NHSL1: variants seen among roughly 807,000 people sequenced by gnomAD.
NHSL1 encodes the protein NHS like 1.
A neutral mutation model predicts 95.0 loss-of-function variants in NHSL1; 48 were observed. The observed-to-expected ratio is 0.51, with a 90% CI of 0.40 to 0.64. NHSL1 has a LOEUF of 0.64. Ranked by LOEUF, NHSL1 falls within the 30% of genes least tolerant of loss-of-function variation. NHSL1 has a pLI of 0.00. For synonymous variants in NHSL1, 783 were observed against 833.9 expected (o/e 0.94, Z 1.05); for missense variants, 1,971 against 2,077.7 (o/e 0.95, Z 1.00).
intron 1 of NHSL1, 82 bp downstream of exon 1, chr6:138,499,151 A>T: frequency 1.2e-6 from 1 of 823,668 alleles, no homozygotes. Flanking sequence ...ACACACACAC[A>T]CACACACAGA....
chr6:138,591,278 A>C (rs922234266), intron 1 of NHSL1, among the ~76,000 whole-genome samples: 3 of 152,244 alleles, frequency 2.0e-5, no homozygotes, highest in African/African-American at 7.2e-5. Flanking sequence ...GAAAGTTTTC[A>C]AATATTATTT....
exon 1 of NHSL1, chr6:138,545,669 CT>C (rs755488744): frequency 1.9e-4 from 249 of 1,289,188 alleles, no homozygotes; most frequent in Non-Finnish European, 2.4e-4. Context: ...GGGCTGTGCT[CT>C]GTGGTCTGAT....
Position 138,431,985 on chromosome 6 carries a change from G to C in NHSL1, c.2360C>G (p.Thr787Arg). The C allele has an allele frequency of 6.4e-7, 1 of 1,551,724 alleles. No individual in the cohort carries two copies. Among genetic ancestry groups the C allele is most frequent in the Non-Finnish European group, 8.7e-7 (1 of 1,146,994 alleles). The change falls in exon 6 of 8, where the codon ACG becomes AGG. Residue 787 changes from threonine (T) to arginine (R), a missense_variant. By Grantham distance (71) the Thr-to-Arg change is moderately conservative (BLOSUM62 -1). This residue lies in a region of NHSL1 where 1,602 missense variants were observed against 1,654.5 expected (regional missense o/e 0.97). Transcript: ENST00000343505. The surrounding 1 kb of genome is among the most constrained non-coding windows in gnomAD (Gnocchi z 4.0). ...GTTCCCCGGATCTTCCTGCATGCCC[G>C]TGTAGTCAATGTAATAACCCCAGGG... ...TDPWGYYIDY[T>R]GMQEDPGNPA... is the part of the protein sequence containing the mutation.
chr6:138,655,476 G>A (rs1028837345), intron 1 of NHSL1, among the ~76,000 whole-genome samples: 1 of 152,154 alleles, frequency 6.6e-6, no homozygotes, highest in African/African-American at 2.4e-5. Flanking sequence ...CCCTAGAAAA[G>A]TAGCTGCTTC....
intron 2 of NHSL1, among the ~76,000 whole-genome samples, chr6:138,490,006 CAAAG>C (rs1562321921): frequency 7.2e-6 from 1 of 138,866 alleles, no homozygotes; most frequent in African/African-American, 2.8e-5. Flanking sequence ...GAGAGAGAGA[CAAAG>C]AAAAAAGAAA....
At chr6:138,611,043 AT>A (rs1344039204) in intron 1 of NHSL1, among the ~76,000 whole-genome samples, 4 of 152,030 alleles carry the variant, frequency 2.6e-5, no homozygotes, top group Non-Finnish European at 5.9e-5. Context: ...GCACCACTGC[AT>A]TCCAGTGAGT....
intron 7 of NHSL1, among the ~76,000 whole-genome samples, chr6:138,425,243 C>T (rs1775186199): frequency 6.6e-6 from 1 of 152,160 alleles, no homozygotes; most frequent in Non-Finnish European, 1.5e-5. Flanking sequence ...AGGCACCTGC[C>T]ACCATGCCCA....
intron 1 of NHSL1, among the ~76,000 whole-genome samples, chr6:138,563,559 T>C (rs972577750): frequency 6.6e-6 from 1 of 152,234 alleles, no homozygotes; most frequent in Non-Finnish European, 1.5e-5. Context: ...ATGGCCAGTA[T>C]CATTAAATAC....
In NHSL1 at chr6:138,650,372, G is replaced by C. The variant is rs960187396; in HGVS notation, c.96+42104C>G. ...GGGGGAGCCCAGCCTGCAGCCCACA[G>C]TTGTTCACAGCCATGAGGTCGCCGA... On this transcript the variant is annotated intron_variant, in intron 1 of 3. Coordinates refer to the NHSL1 transcript ENST00000491526. 6.6e-6 allele frequency: 9 copies of C among 1,360,004 alleles called. No individual in the cohort carries two copies. In the South Asian group the frequency reaches 1.0e-4, roughly 16 times the overall value. 84.2% of individuals were successfully genotyped at this position (1,360,004 alleles called of 1,614,324 possible). A position where few individuals can be genotyped will look rare whatever the true frequency, so the allele number is the denominator to read the frequency against.
chr6:138,452,822 T>TTTC (rs1777326112), intron 3 of NHSL1, among the ~76,000 whole-genome samples: 2 of 151,304 alleles, frequency 1.3e-5, no homozygotes, highest in African/African-American at 4.8e-5. Context: ...TGTGCATTCT[T>TTTC]TTTTTTTTCT....
upstream of NHSL1, among the ~76,000 whole-genome samples, chr6:138,575,959 A>ACATT (rs1347213660): frequency 1.5e-3 from 200 of 135,458 alleles, no homozygotes; most frequent in East Asian, 0.029. Context: ...AAAAATCCCT[A>ACATT]CATTTATTTA....
At chr6:138,583,761 T>G (rs946023486) in intron 1 of NHSL1, among the ~76,000 whole-genome samples, 1 of 152,220 alleles carries the variant, frequency 6.6e-6, no homozygotes, top group Non-Finnish European at 1.5e-5. Context: ...CCACATAATC[T>G]AATCTGGCTT....
intron 1 of NHSL1, among the ~76,000 whole-genome samples, chr6:138,534,634 CT>C (rs1782265329): frequency 6.6e-6 from 1 of 152,192 alleles, no homozygotes; most frequent in Admixed American, 6.5e-5. Flanking sequence ...AACTTAATCC[CT>C]ATCAATAAAG....
intron 2 of NHSL1, among the ~76,000 whole-genome samples, chr6:138,488,095 T>A (rs1002918633): frequency 1.3e-5 from 2 of 152,138 alleles, no homozygotes; most frequent in Non-Finnish European, 2.9e-5. Flanking sequence ...CTGGCCAACA[T>A]GGCAAAATCC....
intron 1 of NHSL1, among the ~76,000 whole-genome samples, chr6:138,639,223 A>C (rs1037239045): frequency 1.3e-5 from 2 of 152,242 alleles, no homozygotes; most frequent in African/African-American, 4.8e-5. Context: ...ATATTCCCTG[A>C]AAATATCTTA....
chr6:138,574,689 A>G (rs1256847293), upstream of NHSL1, among the ~76,000 whole-genome samples: 2 of 100,190 alleles, frequency 2.0e-5, no homozygotes, highest in African/African-American at 1.1e-4. Flanking sequence ...AAAAAAAAAG[A>G]AAAGAAAAAA....
chr6:138,431,542 C>CAGGAGG lies in NHSL1; in HGVS notation c.2797_2802dup (p.Pro933_Pro934dup), dbSNP rs761393458. 5 of 1,549,818 alleles carry CAGGAGG rather than the reference C, an allele frequency of 3.2e-6. No homozygotes were observed. The highest frequency in any genetic ancestry group is 1.2e-5 in the South Asian group (1 of 83,846). On this transcript the variant is annotated inframe_insertion, in exon 6 of 8. Coordinates refer to ENST00000343505, the MANE Select transcript of NHSL1 (RefSeq NM_001144060.2). This position sits in a 1 kb window ranked among gnomAD's most constrained non-coding sequence, Gnocchi z 4.0. ...GGACAAGGGAATGGAGGAGAGGGAA[C>CAGGAGG]AGGAGGAGGAGGAGGAGCCGGGGGA...
At chr6:138,614,256 T>C (rs929382301) in intron 1 of NHSL1, among the ~76,000 whole-genome samples, 5 of 152,212 alleles carry the variant, frequency 3.3e-5, no homozygotes, top group African/African-American at 1.2e-4. Context: ...CTTCCTCTTC[T>C]TCCTGCTGGG....
In NHSL1 at chr6:138,571,262, T is replaced by G. The variant is rs140779682; in HGVS notation, c.202+448A>C. Among the ~76,000 whole-genome samples the G allele has an allele frequency of 1.7e-3, 254 of 152,272 alleles. 3 individuals are homozygous for G. The highest frequency in any genetic ancestry group is 5.8e-3 in the African/African-American group (240 of 41,514). On this transcript the variant is annotated intron_variant, in intron 1 of 6. Transcript: ENST00000427025. ...AACACTGGTTTAATTCAAGCATTCA[T>G]GTAATTCCTCAATCTTAGAAGAAGG...
Sources: allele counts gnomAD v4.1 joint callset (sites outside exome capture counted in the v4.1 genomes callset), GRCh38; gene constraint gnomAD v4.1.1; regional missense constraint gnomAD v4.1.1; non-coding constraint Gnocchi (gnomAD v3.1); transcripts MANE v1.5; gene names NCBI Gene and HGNC (gene_info 2026-07-23, HGNC 2026-07-21).